ADAMTS17: variants seen among roughly 807,000 people sequenced by gnomAD.
ADAMTS17 encodes A disintegrin and metalloproteinase with thrombospondin motifs 17.
Under a neutral mutation model 141.5 loss-of-function variants are expected in ADAMTS17, and 113 were observed. The ratio of observed to expected loss-of-function variants is 0.80; its 90% confidence interval spans 0.69 to 0.93. The LOEUF is 0.93. ADAMTS17 is among the 40% of genes least tolerant of loss of function. The pLI is 0.00. For missense variants in ADAMTS17, 1,659 were observed against 1,517.9 expected (o/e 1.09, Z -1.54); for synonymous variants, 768 against 630.6 (o/e 1.22, Z -3.27).
intron 15 of ADAMTS17, among the ~76,000 whole-genome samples, chr15:100,094,301 C>A (rs1247380091): frequency 6.6e-6 from 1 of 152,232 alleles, no homozygotes; most frequent in Non-Finnish European, 1.5e-5. Flanking sequence ...GTCCATCCTT[C>A]CATGGGGGAC....
intron 20 of ADAMTS17, among the ~76,000 whole-genome samples, chr15:99,976,998 G>A (rs1198629730): frequency 1.3e-5 from 2 of 152,124 alleles, no homozygotes; most frequent in African/African-American, 2.4e-5. Context: ...GACCACAGAG[G>A]TCTCCCAAGC....
intron 15 of ADAMTS17, among the ~76,000 whole-genome samples, chr15:100,072,615 C>A (rs1447568891): frequency 2.6e-5 from 4 of 152,108 alleles, no homozygotes; most frequent in African/African-American, 9.7e-5. Context: ...CATCTACAGC[C>A]ATCTGATCTT....
chr15:100,320,206 A>C (rs1407275340), intron 3 of ADAMTS17, among the ~76,000 whole-genome samples: 1 of 152,174 alleles, frequency 6.6e-6, no homozygotes, highest in Non-Finnish European at 1.5e-5. Flanking sequence ...AGATGACACA[A>C]AACATGGAGG....
chr15:100,276,725 C>A (rs545911107), intron 4 of ADAMTS17, among the ~76,000 whole-genome samples: 2 of 152,246 alleles, frequency 1.3e-5, no homozygotes, highest in African/African-American at 4.8e-5. Context: ...GCTGGCATCA[C>A]GTTCTGCTCT....
intron 3 of ADAMTS17, among the ~76,000 whole-genome samples, chr15:100,302,786 T>C (rs1050363321): frequency 6.6e-6 from 1 of 152,148 alleles, no homozygotes; most frequent in African/African-American, 2.4e-5. Flanking sequence ...GTGAGAGTAT[T>C]GCCACAGGAC....
In ADAMTS17 at chr15:100,091,270, C is replaced by A. The variant is rs554827688; in HGVS notation, c.2137+5086G>T. 2.0e-5 allele frequency among the ~76,000 whole-genome samples: 3 copies of A among 151,992 alleles called. No homozygotes were observed. In the East Asian group the frequency reaches 5.8e-4, roughly 29 times the overall value. On this transcript the variant is annotated intron_variant, in intron 15 of 21. Transcript: ENST00000268070. ...TGGATGCCAGATACCACCACACTGC[C>A]GAAGCATGAAGAATAATTATGAGGT... is the stretch of plus-strand genomic sequence containing the variant.
intron 18 of ADAMTS17, among the ~76,000 whole-genome samples, chr15:100,030,469 A>G (rs2030035015): frequency 6.6e-6 from 1 of 152,120 alleles, no homozygotes; most frequent in Non-Finnish European, 1.5e-5. Context: ...TCCCCCTACC[A>G]GGGCTCCAGT....
At chr15:100,286,177 C>T (rs537820030) in intron 3 of ADAMTS17, among the ~76,000 whole-genome samples, 1 of 152,310 alleles carries the variant, frequency 6.6e-6, no homozygotes, top group African/African-American at 2.4e-5. Flanking sequence ...TCTCCCACTG[C>T]TTTGCCGGCA....
chr15:100,077,554 G>C (rs1295429928), intron 15 of ADAMTS17, among the ~76,000 whole-genome samples: 1 of 151,782 alleles, frequency 6.6e-6, no homozygotes, highest in Non-Finnish European at 1.5e-5. Context: ...AAAAGCATTT[G>C]ACAAATTTCA....
At chr15:100,272,930 T>C (rs1319541509) in intron 4 of ADAMTS17, among the ~76,000 whole-genome samples, 1 of 152,148 alleles carries the variant, frequency 6.6e-6, no homozygotes, top group African/African-American at 2.4e-5. Flanking sequence ...TCAAATTCTT[T>C]TCCTGTATAA....
At chr15:100,223,737 T>TGTATGTGTATATATATATACACAC (rs1333905813) in intron 7 of ADAMTS17, among the ~76,000 whole-genome samples, 3 of 144,034 alleles carry the variant, frequency 2.1e-5, no homozygotes, top group Admixed American at 6.7e-5. Context: ...TATATACACA[T>TGTATGTGTATATATATATACACAC]GTATGTGTAT....
intron 7 of ADAMTS17, among the ~76,000 whole-genome samples, chr15:100,201,704 C>G (rs565242557): frequency 3.9e-5 from 6 of 151,940 alleles, no homozygotes; most frequent in Non-Finnish European, 8.8e-5. Context: ...TGTTATTTTG[C>G]CTCAAGATGG....
chr15:99,998,408 GC>G (rs1206511932), intron 18 of ADAMTS17, among the ~76,000 whole-genome samples: 1 of 152,086 alleles, frequency 6.6e-6, no homozygotes, highest in Non-Finnish European at 1.5e-5. Context: ...ATCGAGACCA[GC>G]CTGGCCAACA....
At chr15:100,260,992 T>C (rs553240578) in intron 6 of ADAMTS17, among the ~76,000 whole-genome samples, 5 of 152,222 alleles carry the variant, frequency 3.3e-5, no homozygotes, top group African/African-American at 1.2e-4. Flanking sequence ...CAAAGAGGGT[T>C]GAAAACATAA....
chr15:100,309,132 T>G (rs1220389510), intron 3 of ADAMTS17, among the ~76,000 whole-genome samples: 1 of 152,000 alleles, frequency 6.6e-6, no homozygotes, highest in East Asian at 1.9e-4. Context: ...GAGGCAGAGG[T>G]GGCAGGATTG....
chr15:100,062,053 G>A (rs901610263), intron 15 of ADAMTS17, among the ~76,000 whole-genome samples: 8 of 152,206 alleles, frequency 5.3e-5, no homozygotes, highest in Non-Finnish European at 1.0e-4. Context: ...CTTTGAAGCT[G>A]CCAAAAGCAG....
At chr15:100,192,926 T>C (rs76070140) in intron 8 of ADAMTS17, among the ~76,000 whole-genome samples, 3,143 of 152,224 alleles carry the variant, frequency 0.021, 120 homozygotes, top group African/African-American at 0.071. Context: ...GGCCACACTT[T>C]GCAGGGATCA....
chr15:100,303,368 C>T (rs1046954439), intron 3 of ADAMTS17, among the ~76,000 whole-genome samples: 8 of 151,378 alleles, frequency 5.3e-5, no homozygotes, highest in African/African-American at 1.5e-4. Context: ...AGTCTCTTAC[C>T]GGACATATGA....
chr15:100,266,148 G>C (rs1442954067), intron 4 of ADAMTS17, among the ~76,000 whole-genome samples: 1 of 152,168 alleles, frequency 6.6e-6, no homozygotes, highest in Non-Finnish European at 1.5e-5. Flanking sequence ...AACAACCAAA[G>C]CTCTGTTAAA....
Sources: gnomAD v4.1 joint callset for allele counts (sites outside exome capture counted in the v4.1 genomes callset) on GRCh38, gnomAD v4.1.1 for gene constraint, MANE v1.5 for transcripts, NCBI Gene and HGNC (gene_info 2026-07-23, HGNC 2026-07-21) for gene names.